HGF: variants seen among roughly 807,000 people sequenced by gnomAD.
The protein encoded by HGF is hepatocyte growth factor.
HGF carries 39 observed loss-of-function variants against 111.6 expected under a neutral mutation model. The observed-to-expected ratio is 0.35, with a 90% confidence interval of 0.27 to 0.46. The LOEUF is 0.46. HGF is among the 20% of genes least tolerant of loss of function. The pLI is 1.00. For synonymous variants in HGF, 285 were observed against 294.8 expected, an observed-to-expected ratio of 0.97 and a Z score of 0.34; for missense variants, 735 against 910.5, an observed-to-expected ratio of 0.81 and a Z score of 2.48.
chr7:81,730,658 A>G lies in HGF; in HGVS notation c.866-879T>C, dbSNP rs5745680. 4.1e-3 allele frequency among the ~76,000 whole-genome samples: 625 copies of G among 152,134 alleles called. 15 individuals are homozygous for G. The East Asian group carries it at 0.063, about 15-fold the overall frequency. On this transcript the variant is annotated intron_variant, in intron 7 of 17. Transcript: ENST00000222390. ...CTAAGTAATAAAAGTATAAAATTAAATTTTTACCACAATTTGGTCTCTCTC... is the reference window on the plus strand; with the variant it reads ...CTAAGTAATAAAAGTATAAAATTAAGTTTTTACCACAATTTGGTCTCTCTC...
chr7:81,721,315 G>A (rs2115874564), intron 9 of HGF, among the ~76,000 whole-genome samples: 1 of 152,150 alleles, frequency 6.6e-6, no homozygotes, highest in African/African-American at 2.4e-5. Context: ...AAATATCTCA[G>A]ATTAAAAAAT....
chr7:81,715,436 A>G (rs1295425120), intron 11 of HGF, among the ~76,000 whole-genome samples: 1 of 152,122 alleles, frequency 6.6e-6, no homozygotes, highest in African/African-American at 2.4e-5. Context: ...TGCCAACCTT[A>G]ATATGGGAAA....
intron 10 of HGF, among the ~76,000 whole-genome samples, chr7:81,720,193 AT>A (rs1042603891): frequency 6.6e-6 from 1 of 152,176 alleles, no homozygotes; most frequent in Non-Finnish European, 1.5e-5. Flanking sequence ...CATTCCTGTA[AT>A]TACTGGAAAA....
intron 9 of HGF, among the ~76,000 whole-genome samples, chr7:81,721,456 G>C (rs536110622): frequency 6.6e-6 from 1 of 152,220 alleles, no homozygotes; most frequent in African/African-American, 2.4e-5. Context: ...AGAATTTTTA[G>C]ACTAACACAT....
chr7:81,761,292 T>G (rs1203339164), intron 2 of HGF, among the ~76,000 whole-genome samples: 1 of 152,180 alleles, frequency 6.6e-6, no homozygotes, highest in Non-Finnish European at 1.5e-5. Flanking sequence ...CCACTCCTCT[T>G]GCCAGGAACT....
In HGF at chr7:81,706,286, C is replaced by T; in HGVS notation, c.1757+1G>A. ...ATACAAAATCTTCTAAAGTAACTAACCTGGCAAGCTTCATTAAAACCAGAT... is the reference window on the plus strand; with the variant it reads ...ATACAAAATCTTCTAAAGTAACTAATCTGGCAAGCTTCATTAAAACCAGAT... On this transcript the variant is annotated splice_donor_variant, in intron 15 of 17. Transcript: ENST00000222390. LOFTEE classifies it high-confidence loss of function. The T allele has an allele frequency of 6.2e-7, 1 of 1,612,320 alleles. No individual in the cohort carries two copies. Among genetic ancestry groups the T allele is most frequent in the Non-Finnish European group, 8.5e-7 (1 of 1,178,888 alleles).
chr7:81,717,493 A>G (rs1471480305), intron 10 of HGF, 128 bp from the exon 11 acceptor site: 2 of 957,408 alleles, frequency 2.1e-6, no homozygotes, highest in Admixed American at 1.8e-5. Flanking sequence ...TTTACTTGGG[A>G]TGAATTTTAG....
chr7:81,742,816 C>A (rs1483123137), intron 7 of HGF: 1 of 1,555,342 alleles, frequency 6.4e-7, no homozygotes, highest in Non-Finnish European at 8.7e-7. Context: ...ACAAAGACAG[C>A]GAGAGAGGTA....
Position 81,729,040 on chromosome 7 carries a change from T to A in HGF, c.1040+565A>T, listed in dbSNP as rs951449160. On this transcript the variant is annotated intron_variant, in intron 8 of 17. Coordinates refer to ENST00000222390, the MANE Select transcript of HGF (RefSeq NM_000601.6). ...GTAATTGATACTCAAGGGCAGTTTCTTTGGCTTGAGTCATCTACACAATTG... is the reference window on the plus strand; with the variant it reads ...GTAATTGATACTCAAGGGCAGTTTCATTGGCTTGAGTCATCTACACAATTG... Among the ~76,000 whole-genome samples the A allele has an allele frequency of 2.9e-3, 29 of 10,042 alleles. 12 individuals carry two copies. Among genetic ancestry groups the A allele is most frequent in the African/African-American group, 6.7e-3 (29 of 4,298 alleles). 6.6% of individuals were successfully genotyped at this position (10,042 alleles called of 152,430 possible). A position where few individuals can be genotyped will look rare whatever the true frequency, so the allele number is the denominator to read the frequency against.
intron 6 of HGF, among the ~76,000 whole-genome samples, chr7:81,743,779 T>A (rs546674261): frequency 1.7e-4 from 26 of 152,284 alleles, no homozygotes; most frequent in Non-Finnish European, 3.2e-4. Flanking sequence ...TACAAAAACA[T>A]GACTTCATGT....
intron 11 of HGF, among the ~76,000 whole-genome samples, chr7:81,713,473 C>A (rs1241903626): frequency 6.6e-6 from 1 of 151,526 alleles, no homozygotes; most frequent in Non-Finnish European, 1.5e-5. Flanking sequence ...TTGCAGTGAG[C>A]CGAAATTGCT....
In HGF at chr7:81,758,339, T is replaced by A. The variant is rs1174557709; in HGVS notation, c.367+353A>T. On this transcript the variant is annotated intron_variant, in intron 3 of 17. Coordinates refer to ENST00000222390, the MANE Select transcript of HGF (RefSeq NM_000601.6). Reference sequence around the variant, plus strand: ...GCAAAATACTATAGCAAACTCAGAATTTGCTGTAATATAAAGTGTTTTAAA... The same window carrying A: ...GCAAAATACTATAGCAAACTCAGAAATTGCTGTAATATAAAGTGTTTTAAA... Among the ~76,000 whole-genome samples, 5 of 152,130 alleles carry A rather than the reference T, an allele frequency of 3.3e-5. No homozygotes were observed. The East Asian group carries it at 9.7e-4, about 29-fold the overall frequency.
chr7:81,736,788 A>T (rs1248791793), intron 7 of HGF: 2 of 460,124 alleles, frequency 4.3e-6, no homozygotes, highest in African/African-American at 4.0e-5. Flanking sequence ...ATATGAAGTC[A>T]CATATAAGGT....
intron 11 of HGF, among the ~76,000 whole-genome samples, chr7:81,714,638 T>C (rs991303797): frequency 1.4e-4 from 22 of 152,106 alleles, no homozygotes; most frequent in African/African-American, 5.3e-4. Context: ...TAGGCACCTC[T>C]ACATTTTTAT....
At chr7:81,764,317 A>G (rs1312107022) in intron 1 of HGF, among the ~76,000 whole-genome samples, 1 of 152,102 alleles carries the variant, frequency 6.6e-6, no homozygotes, top group African/African-American at 2.4e-5. Context: ...TAAATTTCTG[A>G]ATCTCTGTAA....
rs141774517 is a variant in HGF, at chr7:81,705,679, C to G, written c.1832G>C (p.Ser611Thr). 1.7e-4 allele frequency: 270 copies of G among 1,612,020 alleles called. 1 individual carries two copies. The highest frequency in any genetic ancestry group is 2.2e-4 in the Non-Finnish European group (258 of 1,178,568). The change falls in exon 16 of 18, where the codon AGT becomes ACT. Residue 611 changes from serine to threonine, a missense_variant. Physicochemically the swap from Ser to Thr is moderately conservative, Grantham distance 58. Around this residue, in one of 3 missense-constraint regions of HGF, gnomAD observed 130 missense variants for 129.9 expected, o/e 1.00. Transcript: ENST00000222390. ...GTAGCCCCAGCCATAAACACTGCAA[C>G]TGGTCTTTTCAGGAATTGTGCATCC... Reference protein sequence around the residue: ...NYGCTIPEKTSCSVYGWGYTG... With the variant: ...NYGCTIPEKTTCSVYGWGYTG...
At chr7:81,737,779 G>T (rs1787880672) in intron 7 of HGF, among the ~76,000 whole-genome samples, 1 of 151,980 alleles carries the variant, frequency 6.6e-6, no homozygotes, top group Non-Finnish European at 1.5e-5. Flanking sequence ...TGAATTTTCT[G>T]TTTTAATTTC....
intron 9 of HGF, among the ~76,000 whole-genome samples, chr7:81,725,309 G>T (rs1162733507): frequency 6.6e-6 from 1 of 152,088 alleles, no homozygotes; most frequent in Non-Finnish European, 1.5e-5. Flanking sequence ...CTATAGTGAT[G>T]TGCTTATTTA....
chr7:81,707,388 C>T (rs761860902), intron 13 of HGF, 24 bp from the exon 14 acceptor site: 2 of 1,385,458 alleles, frequency 1.4e-6, no homozygotes, highest in Non-Finnish European at 2.1e-6. Context: ...GAAAGAGAAA[C>T]AAGTAACATC....
Sources: allele counts gnomAD v4.1 joint callset (sites outside exome capture counted in the v4.1 genomes callset), GRCh38; gene constraint gnomAD v4.1.1; regional missense constraint gnomAD v4.1.1; transcripts MANE v1.5; gene names NCBI Gene and HGNC (gene_info 2026-07-23, HGNC 2026-07-21).